PDE4D: variants seen among roughly 807,000 people sequenced by gnomAD.
The protein encoded by PDE4D is phosphodiesterase 4D, also known as 3',5'-cyclic-AMP phosphodiesterase 4D.
PDE4D carries 24 observed loss-of-function variants against 87.4 expected under a neutral mutation model. The ratio of observed to expected loss-of-function variants is 0.27; its 90% CI spans 0.20 to 0.39. The LOEUF is 0.39. Ranked by LOEUF, PDE4D falls within the 10% of genes least tolerant of loss-of-function variation. The probability of loss-of-function intolerance (pLI) is 1.00; values close to 1 mark genes in which losing one functional copy is unlikely to be tolerated. For synonymous variants in PDE4D, 384 were observed against 383.2 expected, an observed-to-expected ratio of 1.00 and a Z score of -0.02; for missense variants, 714 against 1,041.0, an observed-to-expected ratio of 0.69 and a Z score of 4.32.
At chr5:59,878,759 A>G (rs186211245) in intron 1 of PDE4D, among the ~76,000 whole-genome samples, 13 of 152,224 alleles carry the variant, frequency 8.5e-5, no homozygotes, top group African/African-American at 3.1e-4. Flanking sequence ...TGCCATGTCC[A>G]TCCTTTACTG....
intron 2 of PDE4D, chr5:60,185,461 C>A: frequency 1.5e-6 from 1 of 687,514 alleles, no homozygotes; most frequent in South Asian, 1.8e-5. Flanking sequence ...TTCCCACAAG[C>A]CTAATCATGA....
chr5:60,386,201 G>T (rs774414110), intron 1 of PDE4D, among the ~76,000 whole-genome samples: 1 of 151,786 alleles, frequency 6.6e-6, no homozygotes, highest in Non-Finnish European at 1.5e-5. Context: ...CCTTTAGTAC[G>T]TGCTTTAAAA....
intron 3 of PDE4D, among the ~76,000 whole-genome samples, chr5:59,954,779 A>C (rs1758662113): frequency 6.6e-6 from 1 of 152,194 alleles, no homozygotes; most frequent in South Asian, 2.1e-4. Context: ...TCTACAGTGA[A>C]ATTAAGTGGA....
intron 1 of PDE4D, among the ~76,000 whole-genome samples, chr5:59,595,066 T>A (rs2153704519): frequency 6.6e-6 from 1 of 152,300 alleles, no homozygotes; most frequent in South Asian, 2.1e-4. Flanking sequence ...TTTACAAAGT[T>A]ACATGACAAG....
At chr5:59,303,018 C>T (rs1323140685) in intron 1 of PDE4D, among the ~76,000 whole-genome samples, 1 of 152,084 alleles carries the variant, frequency 6.6e-6, no homozygotes, top group Non-Finnish European at 1.5e-5. Flanking sequence ...AGAAGTGTTT[C>T]CTGATCACCC....
chr5:59,676,402 T>C (rs1748087090), intron 1 of PDE4D, among the ~76,000 whole-genome samples: 1 of 152,208 alleles, frequency 6.6e-6, no homozygotes, highest in African/African-American at 2.4e-5. Context: ...AGTCAATAGA[T>C]ATTTATTAAC....
intron 1 of PDE4D, among the ~76,000 whole-genome samples, chr5:59,668,845 G>GGAAGAAGAAGAAGAAGAAGAAGAA (rs1208323931): frequency 1.1e-4 from 7 of 62,124 alleles, no homozygotes; most frequent in Non-Finnish European, 1.9e-4. Flanking sequence ...AAGAGGAAGA[G>GGAAGAAGAAGAAGAAGAAGAAGAA]GAAGAAGAAG....
intron 1 of PDE4D, among the ~76,000 whole-genome samples, chr5:60,441,552 A>G (rs1403843905): frequency 6.6e-6 from 1 of 152,230 alleles, no homozygotes; most frequent in Non-Finnish European, 1.5e-5. Flanking sequence ...CTAAAACACC[A>G]AAAGCAATGG....
chr5:59,785,504 T>C (rs1765079646), intron 1 of PDE4D, among the ~76,000 whole-genome samples: 1 of 152,198 alleles, frequency 6.6e-6, no homozygotes, highest in African/African-American at 2.4e-5. Flanking sequence ...CAGAAAGGAA[T>C]CTGACCCATT....
intron 1 of PDE4D, among the ~76,000 whole-genome samples, chr5:59,881,885 G>T (rs945645293): frequency 2.0e-5 from 3 of 152,186 alleles, no homozygotes; most frequent in Non-Finnish European, 4.4e-5. Context: ...AAGAAGTGAT[G>T]CTTGAATCAA....
intron 3 of PDE4D, among the ~76,000 whole-genome samples, chr5:59,970,419 C>A (rs892945690): frequency 6.6e-6 from 1 of 152,086 alleles, no homozygotes; most frequent in African/African-American, 2.4e-5. Context: ...AGTGAACAGG[C>A]AACCTACAAA....
intron 1 of PDE4D, among the ~76,000 whole-genome samples, chr5:59,718,925 C>T (rs982110489): frequency 1.3e-5 from 2 of 151,610 alleles, no homozygotes; most frequent in African/African-American, 4.9e-5. Flanking sequence ...GTTCTCAGAT[C>T]CTTTTGAAAG....
intron 5 of PDE4D, among the ~76,000 whole-genome samples, chr5:59,072,695 T>A (rs1348015563): frequency 6.6e-6 from 1 of 152,238 alleles, no homozygotes; most frequent in East Asian, 1.9e-4. Context: ...TTACTATAGA[T>A]GTAATCAGAG....
At chr5:59,163,421 G>A (rs1043915294) in intron 5 of PDE4D, among the ~76,000 whole-genome samples, 1 of 151,920 alleles carries the variant, frequency 6.6e-6, no homozygotes, top group African/African-American at 2.4e-5. Flanking sequence ...ACAGGCATGT[G>A]CCACCACGCC....
chr5:59,799,628 G>A (rs1051227350), intron 1 of PDE4D, among the ~76,000 whole-genome samples: 8 of 152,138 alleles, frequency 5.3e-5, no homozygotes, highest in African/African-American at 1.7e-4. Context: ...GTAAACCATC[G>A]GACCATATCA....
At chr5:59,537,651 T>C (rs895953109) in intron 1 of PDE4D, among the ~76,000 whole-genome samples, 7 of 152,210 alleles carry the variant, frequency 4.6e-5, no homozygotes, top group Non-Finnish European at 7.4e-5. Flanking sequence ...ATAATTTATA[T>C]GAGATTTTTC....
rs750014547 is a variant in PDE4D, at chr5:60,063,953, T to C, written c.43-75236A>G. Among the ~76,000 whole-genome samples the C allele has an allele frequency of 2.0e-5, 3 of 152,150 alleles. 1 individual carries two copies. The highest frequency in any genetic ancestry group is 7.2e-5 in the African/African-American group (3 of 41,538). On this transcript the variant is annotated intron_variant, in intron 2 of 16. Coordinates refer to the PDE4D transcript ENST00000502484. The stretch of plus-strand genomic sequence containing the variant: ...GGATGGAGTAGGGGTCAGCCATAGA[T>C]TGGCCCGAGGAGATGTGCCCATGAC...
rs1161748700 is a variant in PDE4D at position 59,741,413 on chromosome 5, T to C, written c.455+151755A>G. ...AGTTTTTAAAAATTCTTGCAGTTTC[T>C]ATTCAAAAGAAAAAAATCTAAAGGG... On this transcript the variant is annotated intron_variant, in intron 1 of 14. Transcript: ENST00000340635. Among the ~76,000 whole-genome samples, 4 of 152,148 alleles carry C rather than the reference T, an allele frequency of 2.6e-5. No homozygotes were observed. In the South Asian group the frequency reaches 6.2e-4, roughly 24 times the overall value.
At chr5:59,594,477 T>C (rs922328893) in intron 1 of PDE4D, among the ~76,000 whole-genome samples, 4 of 151,936 alleles carry the variant, frequency 2.6e-5, no homozygotes, top group Non-Finnish European at 4.4e-5. Context: ...TGTGTCACCA[T>C]GACTGGCTAA....
Sources: allele counts gnomAD v4.1 joint callset (sites outside exome capture counted in the v4.1 genomes callset), GRCh38; gene constraint gnomAD v4.1.1; transcripts MANE v1.5; gene names NCBI Gene and HGNC (gene_info 2026-07-23, HGNC 2026-07-21).